The following CPED1 variants were observed in gnomAD, a reference collection of about 807,000 sequenced individuals.
The protein encoded by CPED1 is cadherin-like and PC-esterase domain-containing protein 1.
A neutral mutation model predicts 128.2 loss-of-function variants in CPED1; 114 were observed. The observed-to-expected ratio is 0.89, with a 90% CI of 0.76 to 1.04. The LOEUF (loss-of-function observed/expected upper bound fraction) is 1.04, where lower values mean the gene tolerates loss of function less well. Among genes scored for constraint, CPED1 ranks in the 50% least tolerant of loss-of-function variants. CPED1 has a pLI of 0.00. For missense variants in CPED1, 1,211 were observed against 1,207.1 expected (o/e 1.00, Z -0.05); for synonymous variants, 462 against 426.7 (o/e 1.08, Z -1.02).
chr7:121,009,435 T>C (rs1450435219), intron 2 of CPED1, among the ~76,000 whole-genome samples: 1 of 151,846 alleles, frequency 6.6e-6, no homozygotes. Flanking sequence ...AAAAGCCCCA[T>C]CTTTACAAAA....
Position 121,236,734 on chromosome 7 carries a change from T to C in CPED1, c.2076T>C (p.His692=), listed in dbSNP as rs138859248. 7.5e-6 allele frequency: 12 copies of C among 1,601,752 alleles called. No individual in the cohort carries two copies. The East Asian group carries it at 2.5e-4, about 33-fold the overall frequency. The change falls in exon 17 of 23, where the codon CAT becomes CAC. Residue 692 remains histidine, a synonymous_variant. Coordinates refer to ENST00000310396, the MANE Select transcript of CPED1 (RefSeq NM_024913.5). The part of the protein sequence containing the change: ...GFVQDCGLLI[H]PEETCGLQPI... ...TGCAGGATTGTGGTTTGCTGATTCATCCAGAGGAAACCTGTGGGTTACAGC... is the reference window on the plus strand; with the variant it reads ...TGCAGGATTGTGGTTTGCTGATTCACCCAGAGGAAACCTGTGGGTTACAGC...
intron 22 of CPED1, among the ~76,000 whole-genome samples, chr7:121,273,639 A>G (rs1397421535): frequency 6.6e-6 from 1 of 152,156 alleles, no homozygotes; most frequent in Non-Finnish European, 1.5e-5. Context: ...ATCCTTTAAT[A>G]TGACCAAATG....
At position 121,266,135 on chromosome 7, in the gene CPED1, A is replaced by G. The variant is rs798921; in HGVS notation, c.2311-92A>G. On this transcript the variant is annotated intron_variant, in intron 18 of 22. Coordinates refer to ENST00000310396, the MANE Select transcript of CPED1 (RefSeq NM_024913.5). ...GCTGTCCTTCAAACAGTTAGGTAGT[A>G]GTGTGAATATTCAAAATTTCATTAT... 16,176 of 880,918 alleles carry G rather than the reference A, an allele frequency of 0.018. 1,643 individuals are homozygous for G. The African/African-American group carries it at 0.23, about 12-fold the overall frequency. 54.6% of individuals were successfully genotyped at this position (880,918 alleles called of 1,614,324 possible). A position where few individuals can be genotyped will look rare whatever the true frequency, so the allele number is the denominator to read the frequency against.
At chr7:121,286,975 A>C (rs1437364947) in intron 22 of CPED1, among the ~76,000 whole-genome samples, 1 of 152,210 alleles carries the variant, frequency 6.6e-6, no homozygotes, top group East Asian at 1.9e-4. Flanking sequence ...GGCAGGAAGG[A>C]GAAGTGCCAA....
chr7:121,058,273 T>C (rs1004747578), intron 4 of CPED1, among the ~76,000 whole-genome samples: 4 of 152,126 alleles, frequency 2.6e-5, no homozygotes, highest in Non-Finnish European at 5.9e-5. Flanking sequence ...CATTGGCATT[T>C]TTACAGGATT....
At position 121,256,111 on chromosome 7, in the gene CPED1, C is replaced by CAAAAA. The variant is rs1286167648; in HGVS notation, c.2311-10108_2311-10104dup. Among the ~76,000 whole-genome samples, 121 of 34,064 alleles carry CAAAAA rather than the reference C, an allele frequency of 3.6e-3. 5 individuals carry two copies. The highest frequency in any genetic ancestry group is 0.012 in the African/African-American group (109 of 9,056). 22.3% of individuals were successfully genotyped at this position (34,064 alleles called of 152,430 possible). On this transcript the variant is annotated intron_variant, in intron 18 of 22. Transcript: ENST00000310396. ...CCCTAATAGTTAAAGCAATCCTAAG[C>CAAAAA]AAAAAAAAAAAACAAAACAAAAAAA...
intron 16 of CPED1, among the ~76,000 whole-genome samples, chr7:121,158,052 C>T (rs1323033374): frequency 1.3e-5 from 2 of 152,076 alleles, no homozygotes; most frequent in Admixed American, 1.3e-4. Context: ...TAATTCATTA[C>T]TTTAATAACC....
At chr7:121,034,183 C>T (rs1322463838) in intron 3 of CPED1, among the ~76,000 whole-genome samples, 1 of 150,644 alleles carries the variant, frequency 6.6e-6, no homozygotes, top group Non-Finnish European at 1.5e-5. Flanking sequence ...CAAGATAAAG[C>T]ATCAAACTCA....
chr7:121,278,725 A>C (rs1792378111), intron 22 of CPED1, among the ~76,000 whole-genome samples: 1 of 152,132 alleles, frequency 6.6e-6, no homozygotes, highest in Admixed American at 6.5e-5. Context: ...AGATGACTTG[A>C]TACAAAATCC....
At chr7:121,192,765 A>G (rs1361911434) in intron 16 of CPED1, among the ~76,000 whole-genome samples, 2 of 152,180 alleles carry the variant, frequency 1.3e-5, no homozygotes, top group East Asian at 1.9e-4. Flanking sequence ...TGAATACAAA[A>G]CACATACTGT....
At position 121,157,811 on chromosome 7, in the gene CPED1, A is replaced by G. The variant is rs140545955; in HGVS notation, c.2055+15670A>G. 3.3e-3 allele frequency among the ~76,000 whole-genome samples: 509 copies of G among 152,268 alleles called. 1 individual carries two copies. Among genetic ancestry groups the G allele is most frequent in the African/African-American group, 0.011 (454 of 41,548 alleles). On this transcript the variant is annotated intron_variant, in intron 16 of 22. Transcript: ENST00000310396. ...GGTTCTTGAGTTCCTGAAAATGAAT[A>G]AAGTGAATGAATAAAATGAGTAAAA...
At chr7:121,143,562 C>T (rs202216053) in intron 16 of CPED1, among the ~76,000 whole-genome samples, 24 of 151,870 alleles carry the variant, frequency 1.6e-4, no homozygotes, top group African/African-American at 5.8e-4. Context: ...AATTGAAGAA[C>T]AAATAATATA....
Position 121,266,447 on chromosome 7 carries a change from G to A in CPED1, c.2531G>A (p.Arg844Lys). The A allele has an allele frequency of 6.2e-7, 1 of 1,608,994 alleles. No homozygotes were observed. Among genetic ancestry groups the A allele is most frequent in the Non-Finnish European group, 8.5e-7 (1 of 1,175,828 alleles). ...AATGCACTTGAACACCTCTTGCAAAGGTACAATGAAACTATAATGAAAGAC... is the reference window on the plus strand; with the variant it reads ...AATGCACTTGAACACCTCTTGCAAAAGTACAATGAAACTATAATGAAAGAC... Reference protein sequence around the residue: ...FENALEHLLQRSRPLENTGQT... With the variant: ...FENALEHLLQKSRPLENTGQT... The change falls in exon 19 of 23, where the codon AGA becomes AAA. Residue 844 changes from arginine (R) to lysine (K), a missense_variant and splice_region_variant. Physicochemically the swap from Arg to Lys is conservative, Grantham distance 26. Coordinates refer to ENST00000310396, the MANE Select transcript of CPED1 (RefSeq NM_024913.5).
At chr7:121,189,884 G>T (rs957963543) in intron 16 of CPED1, among the ~76,000 whole-genome samples, 1 of 147,670 alleles carries the variant, frequency 6.8e-6, no homozygotes, top group Non-Finnish European at 1.5e-5. Flanking sequence ...TCATTTGACA[G>T]ATATAAATAC....
intron 6 of CPED1, among the ~76,000 whole-genome samples, chr7:121,099,243 T>C (rs1434545175): frequency 1.3e-5 from 2 of 152,132 alleles, no homozygotes; most frequent in Non-Finnish European, 2.9e-5. Context: ...CTGTAATTTA[T>C]ATCACTTTTG....
rs1287980622 is a variant in CPED1 at position 121,280,125 on chromosome 7, AATAC to A, written c.2868+8696_2868+8699del. Among the ~76,000 whole-genome samples the A allele has an allele frequency of 4.5e-4, 69 of 152,302 alleles. No homozygotes were observed. In the Middle Eastern group the frequency reaches 0.017, roughly 38 times the overall value. ...AGTTCAAGAGCGTTAGATAGAAACA[AATAC>A]CTGTGTGTTAACGTCCAATAGATTC... On this transcript the variant is annotated intron_variant, in intron 22 of 22. Coordinates refer to ENST00000310396, the MANE Select transcript of CPED1 (RefSeq NM_024913.5).
intron 8 of CPED1, 93 bp from the exon 9 acceptor site, chr7:121,125,727 T>C: frequency 1.2e-6 from 1 of 848,728 alleles, no homozygotes; most frequent in Non-Finnish European, 2.0e-6. Context: ...GGCATTTGGG[T>C]TGGTTCCAAG....
intron 16 of CPED1, among the ~76,000 whole-genome samples, chr7:121,233,545 T>G (rs1211561982): frequency 6.6e-6 from 1 of 152,018 alleles, no homozygotes; most frequent in Admixed American, 6.6e-5. Context: ...GAAGGCTCTG[T>G]CTCAAAACAA....
At chr7:121,197,939 T>A (rs1364060483) in intron 16 of CPED1, among the ~76,000 whole-genome samples, 3 of 152,142 alleles carry the variant, frequency 2.0e-5, no homozygotes, top group Non-Finnish European at 4.4e-5. Flanking sequence ...ATCAGACTAG[T>A]AAGTGTGGCT....
Sources: allele counts gnomAD v4.1 joint callset (sites outside exome capture counted in the v4.1 genomes callset), GRCh38; gene constraint gnomAD v4.1.1; transcripts MANE v1.5; gene names NCBI Gene and HGNC (gene_info 2026-07-23, HGNC 2026-07-21).